Variants in RIMS2 observed in about 807,000 individuals in gnomAD.
The protein encoded by RIMS2 is regulating synaptic membrane exocytosis 2.
Under a neutral mutation model 174.4 loss-of-function variants are expected in RIMS2, and 59 were observed. That is an observed-to-expected ratio of 0.34 (90% confidence interval 0.27 to 0.42). RIMS2 has a LOEUF of 0.42. Among genes scored for constraint, RIMS2 ranks in the 10% least tolerant of loss-of-function variants. The probability of loss-of-function intolerance (pLI) is 1.00; values close to 1 mark genes in which losing one functional copy is unlikely to be tolerated. For missense variants in RIMS2, 1,620 were observed against 1,666.3 expected (o/e 0.97, Z 0.48); for synonymous variants, 606 against 572.5 (o/e 1.06, Z -0.84).
intron 3 of RIMS2, among the ~76,000 whole-genome samples, chr8:103,808,725 C>T (rs562461188): frequency 6.6e-6 from 1 of 152,228 alleles, no homozygotes; most frequent in South Asian, 2.1e-4. Context: ...GACCAATCAA[C>T]GACTAAGTCC....
At chr8:104,001,268 G>A (rs1027071119) in intron 17 of RIMS2, among the ~76,000 whole-genome samples, 11 of 151,860 alleles carry the variant, frequency 7.2e-5, no homozygotes, top group Non-Finnish European at 2.9e-5. Flanking sequence ...AAATGTAAAT[G>A]TTTGAAGTGA....
At position 103,838,982 on chromosome 8, in the gene RIMS2, G is replaced by A. The variant is rs892454837; in HGVS notation, c.699-46316G>A. ...GGGGAGGCTGAGGCAAGAGAACGGCGTGAACCCGGGAGGTGGAGCTTGCAG... is the reference window on the plus strand; with the variant it reads ...GGGGAGGCTGAGGCAAGAGAACGGCATGAACCCGGGAGGTGGAGCTTGCAG... On this transcript the variant is annotated intron_variant, in intron 3 of 23. Transcript: ENST00000504942. Among the ~76,000 whole-genome samples, 10 of 152,044 alleles carry A rather than the reference G, an allele frequency of 6.6e-5. 1 individual carries two copies. The highest frequency in any genetic ancestry group is 6.5e-4 in the Admixed American group (10 of 15,272).
intron 19 of RIMS2, among the ~76,000 whole-genome samples, chr8:104,154,963 CT>C (rs71575999): frequency 1.5e-4 from 23 of 149,412 alleles, no homozygotes; most frequent in East Asian, 9.8e-4. Context: ...GTAGAGTTTA[CT>C]TTTTTTTTTA....
At chr8:103,737,960 C>A (rs575977838) in intron 2 of RIMS2, among the ~76,000 whole-genome samples, 97 of 152,080 alleles carry the variant, frequency 6.4e-4, no homozygotes, top group Non-Finnish European at 1.3e-3. Context: ...GTTTATATGT[C>A]TGTTTACTTG....
At chr8:104,184,349 C>A (rs771322358) in intron 19 of RIMS2, among the ~76,000 whole-genome samples, 1 of 151,504 alleles carries the variant, frequency 6.6e-6, no homozygotes, top group African/African-American at 2.4e-5. Flanking sequence ...GTGTAAATTA[C>A]TATTATTCTT....
exon 24 of RIMS2, chr8:104,251,663 T>C: frequency 6.2e-7 from 1 of 1,611,060 alleles, no homozygotes; most frequent in Non-Finnish European, 8.5e-7. Flanking sequence ...GTGGCCCAGA[T>C]ACTTTTAGAT....
At chr8:103,724,624 A>C (rs937587415) in intron 2 of RIMS2, among the ~76,000 whole-genome samples, 2 of 152,206 alleles carry the variant, frequency 1.3e-5, no homozygotes, top group African/African-American at 4.8e-5. Flanking sequence ...TTTAAAAAAC[A>C]TTTATGACTT....
intron 19 of RIMS2, among the ~76,000 whole-genome samples, chr8:104,084,523 T>C (rs1456137072): frequency 4.6e-5 from 7 of 151,664 alleles, no homozygotes; most frequent in Non-Finnish European, 8.8e-5. Flanking sequence ...ATTATCCTAC[T>C]CTAAGTAAAT....
chr8:103,956,028 A>G (rs190060506), intron 14 of RIMS2, among the ~76,000 whole-genome samples: 5 of 152,320 alleles, frequency 3.3e-5, no homozygotes, highest in Admixed American at 3.3e-4. Context: ...AAAGATACGT[A>G]GGAATCCAAC....
intron 12 of RIMS2, among the ~76,000 whole-genome samples, 157 bp downstream of exon 14, chr8:103,931,550 G>A (rs1220438895): frequency 6.6e-6 from 1 of 152,012 alleles, no homozygotes; most frequent in East Asian, 1.9e-4. Context: ...AATAGTGACA[G>A]TAAATAAGAT....
At position 103,580,012 on chromosome 8, in the gene RIMS2, A is replaced by G. The variant is rs141442916; in HGVS notation, c.176+78950A>G. 4.3e-3 allele frequency among the ~76,000 whole-genome samples: 647 copies of G among 152,224 alleles called. 4 individuals are homozygous for G. Among genetic ancestry groups the G allele is most frequent in the African/African-American group, 0.015 (609 of 41,550 alleles). ...GGGGGAAATCCGCCCCCGTGATCCA[A>G]TCACCTCCCATCAGGTCTCTCCTCC... On this transcript the variant is annotated intron_variant, in intron 1 of 23. Transcript: ENST00000504942.
intron 3 of RIMS2, among the ~76,000 whole-genome samples, chr8:103,796,923 C>A (rs774132527): frequency 2.0e-5 from 3 of 152,088 alleles, no homozygotes; most frequent in Middle Eastern, 3.4e-3. Context: ...CCTCTGAGGT[C>A]CCAGTGACAA....
intron 19 of RIMS2, among the ~76,000 whole-genome samples, chr8:104,121,172 C>T (rs2098368223): frequency 6.6e-6 from 1 of 152,106 alleles, no homozygotes. Flanking sequence ...AATTATAATA[C>T]AGTTATAATC....
At chr8:103,885,726 C>G (rs775307557) in exon 4 of RIMS2, 15 of 1,612,856 alleles carry the variant, frequency 9.3e-6, no homozygotes, top group Non-Finnish European at 2.5e-6. Context: ...TTGGCAAATG[C>G]TGATCTGGAA....
intron 19 of RIMS2, among the ~76,000 whole-genome samples, chr8:104,218,746 G>C (rs546029624): frequency 6.6e-6 from 1 of 152,112 alleles, no homozygotes; most frequent in South Asian, 2.1e-4. Flanking sequence ...GCAGAGCTCA[G>C]GTGGTAATGC....
chr8:103,858,225 A>G (rs2099038603), intron 3 of RIMS2, among the ~76,000 whole-genome samples: 1 of 152,198 alleles, frequency 6.6e-6, no homozygotes, highest in African/African-American at 2.4e-5. Context: ...GGCATGAGAC[A>G]TTGGCCTGGC....
chr8:103,591,618 A>G (rs1458433704), intron 1 of RIMS2, among the ~76,000 whole-genome samples: 1 of 151,220 alleles, frequency 6.6e-6, no homozygotes, highest in Non-Finnish European at 1.5e-5. Flanking sequence ...TTCCTTTTAA[A>G]AATTTTTTCC....
intron 1 of RIMS2, among the ~76,000 whole-genome samples, chr8:103,632,578 G>A (rs2095958162): frequency 1.3e-5 from 2 of 151,582 alleles, no homozygotes; most frequent in South Asian, 2.1e-4. Context: ...CTGCCACCAT[G>A]CCCAGCTAAT....
At chr8:104,023,296 T>A (rs79336358) in intron 19 of RIMS2, among the ~76,000 whole-genome samples, 19,444 of 152,060 alleles carry the variant, frequency 0.13, 1,698 homozygotes, top group Non-Finnish European at 0.19. Flanking sequence ...CACTTTTTTT[T>A]TTTTTAGTAA....
Sources: gnomAD v4.1 joint callset for allele counts (sites outside exome capture counted in the v4.1 genomes callset) on GRCh38, gnomAD v4.1.1 for gene constraint, MANE v1.5 for transcripts, NCBI Gene and HGNC (gene_info 2026-07-23, HGNC 2026-07-21) for gene names.